Variants in PPA2 observed in about 807,000 individuals in gnomAD.
PPA2 encodes the protein inorganic pyrophosphatase 2, also known as inorganic pyrophosphatase 2, mitochondrial.
PPA2 carries 48 observed loss-of-function variants against 49.5 expected under a neutral mutation model. The observed-to-expected ratio is 0.97, with a 90% CI of 0.77 to 1.23. The LOEUF (loss-of-function observed/expected upper bound fraction) is 1.23, where lower values mean the gene tolerates loss of function less well. Among genes scored for constraint, PPA2 ranks in the 50% most tolerant of loss-of-function variants. PPA2 has a pLI of 0.00. For missense variants in PPA2, 429 were observed against 410.1 expected (o/e 1.05, Z -0.40); for synonymous variants, 131 against 139.9 (o/e 0.94, Z 0.45).
At chr4:105,424,067 C>T in intron 7 of PPA2, 129 bp downstream of exon 7, 1 of 920,012 alleles carries the variant, frequency 1.1e-6, no homozygotes, top group African/African-American at 1.7e-5. Context: ...TATAATTTGT[C>T]TATCTACATC....
chr4:105,438,160 A>G, intron 5 of PPA2, 124 bp from the exon 6 acceptor site: 1 of 701,014 alleles, frequency 1.4e-6, no homozygotes, highest in African/African-American at 1.8e-5. Context: ...ATCAGAAATT[A>G]CATAGGCCCA....
chr4:105,403,775 T>C (rs1722332106), intron 7 of PPA2, among the ~76,000 whole-genome samples: 1 of 152,196 alleles, frequency 6.6e-6, no homozygotes, highest in East Asian at 1.9e-4. Context: ...TAATACTTTC[T>C]AAGAGAAACG....
intron 1 of PPA2, chr4:105,473,373 G>C: frequency 2.9e-6 from 1 of 345,366 alleles, no homozygotes; most frequent in South Asian, 2.2e-5. Context: ...ACCTTCATCA[G>C]AGTCCCTCCA....
chr4:105,426,951 A>G (rs1723540980), intron 6 of PPA2, among the ~76,000 whole-genome samples: 1 of 152,220 alleles, frequency 6.6e-6, no homozygotes, highest in Non-Finnish European at 1.5e-5. Context: ...ACCTCCCAGT[A>G]GAGGCCGACA....
chr4:105,376,148 A>G (rs1316886336), intron 10 of PPA2, among the ~76,000 whole-genome samples: 3 of 152,196 alleles, frequency 2.0e-5, no homozygotes, highest in Non-Finnish European at 2.9e-5. Context: ...ATCAATGCCA[A>G]TATGCATTTA....
rs1193782273 is a variant in PPA2 at position 105,473,909 on chromosome 4, A to G, written c.142T>C (p.Tyr48His). The change falls in exon 1 of 12, where the codon TAC becomes CAC. Residue 48 changes from tyrosine (Y) to histidine (H), a missense_variant. Coordinates refer to ENST00000341695, the MANE Select transcript of PPA2 (RefSeq NM_176869.3). Reference sequence around the variant, plus strand: ...AGCTACTTACTAAAGAAGAGGCGGTAATTCTGCGAGCAGGGCTGGCCGCGC... The same window carrying G: ...AGCTACTTACTAAAGAAGAGGCGGTGATTCTGCGAGCAGGGCTGGCCGCGC... ...EERGQPCSQN[Y>H]RLFFKNVTGH... 3.7e-6 allele frequency: 6 copies of G among 1,602,098 alleles called. No individual in the cohort carries two copies. The Admixed American group carries it at 6.8e-5, about 18-fold the overall frequency.
intron 1 of PPA2, among the ~76,000 whole-genome samples, chr4:105,462,346 A>C (rs1441217292): frequency 6.6e-6 from 1 of 152,246 alleles, no homozygotes; most frequent in Non-Finnish European, 1.5e-5. Flanking sequence ...AGTTGAAAAC[A>C]AGCTATTGCC....
intron 10 of PPA2, among the ~76,000 whole-genome samples, chr4:105,384,330 G>C (rs1733602774): frequency 1.3e-5 from 2 of 152,070 alleles, no homozygotes; most frequent in Non-Finnish European, 2.9e-5. Flanking sequence ...TACCAAGCCA[G>C]GTAATTAAAG....
At chr4:105,473,202 T>G (rs1180611001) in intron 1 of PPA2, 1 of 164,168 alleles carries the variant, frequency 6.1e-6, no homozygotes, top group Non-Finnish European at 1.3e-5. Context: ...GTCCTTTCTC[T>G]GAGCTCGGCA....
At chr4:105,415,243 A>G (rs2110257242) in intron 7 of PPA2, among the ~76,000 whole-genome samples, 1 of 152,336 alleles carries the variant, frequency 6.6e-6, no homozygotes, top group East Asian at 1.9e-4. Context: ...CTTTCCGCCC[A>G]GGAGCCTGTC....
intron 3 of PPA2, 87 bp downstream of exon 3, chr4:105,453,511 G>C: frequency 9.5e-7 from 1 of 1,052,568 alleles, no homozygotes; most frequent in Non-Finnish European, 1.3e-6. Context: ...AAAAACCTTA[G>C]AATCATTTTA....
intron 9 of PPA2, among the ~76,000 whole-genome samples, chr4:105,389,446 TAAAA>T (rs370183473): frequency 7.7e-6 from 1 of 130,354 alleles, no homozygotes; most frequent in African/African-American, 2.8e-5. Context: ...AAACGAAACT[TAAAA>T]AAAAAAAAAA....
chr4:105,424,087 C>A (rs961485654), intron 7 of PPA2, 109 bp downstream of exon 7: 2 of 1,161,242 alleles, frequency 1.7e-6, no homozygotes, highest in Admixed American at 5.1e-5. Context: ...CTTTTCCTCT[C>A]TCTTTTTTAA....
At chr4:105,421,055 A>G (rs957070654) in intron 7 of PPA2, among the ~76,000 whole-genome samples, 4 of 152,214 alleles carry the variant, frequency 2.6e-5, no homozygotes, top group Non-Finnish European at 5.9e-5. Flanking sequence ...GGGACAGAAA[A>G]GGATAAAAAT....
chr4:105,453,903 A>G, intron 2 of PPA2: 1 of 317,372 alleles, frequency 3.2e-6, no homozygotes, highest in East Asian at 5.1e-5. Flanking sequence ...AGTTTTTATA[A>G]AGTAAGCAAA....
intron 10 of PPA2, among the ~76,000 whole-genome samples, chr4:105,384,551 G>A (rs1733610389): frequency 6.6e-6 from 1 of 152,176 alleles, no homozygotes; most frequent in Non-Finnish European, 1.5e-5. Context: ...ACATGGAATA[G>A]ACTTAATCTG....
chr4:105,438,038 TA>T lies in PPA2; in HGVS notation c.442-3del. On this transcript the variant is annotated splice_region_variant and splice_polypyrimidine_tract_variant and intron_variant, in intron 5 of 11. Coordinates refer to ENST00000341695, the MANE Select transcript of PPA2 (RefSeq NM_176869.3). The stretch of plus-strand genomic sequence containing the variant: ...TTTTTCATGGGGATCTTCCCAAGTC[TA>T]AAATTTTTTTTTTAAAAAAAAGCAG... 1.3e-6 allele frequency: 2 copies of T among 1,593,296 alleles called. No individual in the cohort carries two copies. Among genetic ancestry groups the T allele is most frequent in the Admixed American group, 1.8e-5 (1 of 54,460 alleles).
At chr4:105,449,547 A>G (rs1374674003) in intron 3 of PPA2, 144 bp from the exon 4 acceptor site, 1 of 501,000 alleles carries the variant, frequency 2.0e-6, no homozygotes, top group Non-Finnish European at 3.5e-6. Context: ...CTATGCCTTA[A>G]ATTTTTTCTA....
At chr4:105,448,130 A>T in intron 4 of PPA2, 1 of 390,496 alleles carries the variant, frequency 2.6e-6, no homozygotes, top group Non-Finnish European at 5.1e-6. Flanking sequence ...AGCCATGTTG[A>T]ATGAAGAAAC....
Sources: allele counts gnomAD v4.1 joint callset (sites outside exome capture counted in the v4.1 genomes callset), GRCh38; gene constraint gnomAD v4.1.1; transcripts MANE v1.5; gene names NCBI Gene and HGNC (gene_info 2026-07-23, HGNC 2026-07-21).